ZNF335: variants seen among roughly 807,000 people sequenced by gnomAD.
The protein encoded by ZNF335 is zinc finger protein 335.
Under a neutral mutation model 145.6 loss-of-function variants are expected in ZNF335, and 84 were observed. That is an observed-to-expected ratio of 0.58 (90% CI 0.48 to 0.69). ZNF335 has a LOEUF of 0.69. ZNF335 is among the 30% of genes least tolerant of loss of function. The probability of loss-of-function intolerance (pLI) is 0.00; values close to 1 mark genes in which losing one functional copy is unlikely to be tolerated. For synonymous variants in ZNF335, 761 were observed against 717.0 expected (o/e 1.06, Z -0.98); for missense variants, 1,865 against 1,809.7 (o/e 1.03, Z -0.55).
chr20:45,963,315 T>C (rs1157243392), intron 9 of ZNF335, among the ~76,000 whole-genome samples, 158 bp downstream of exon 9: 1 of 152,116 alleles, frequency 6.6e-6, no homozygotes, highest in African/African-American at 2.4e-5. Flanking sequence ...AGCTGAGCGT[T>C]CTTCGGTACG....
chr20:45,969,473 G>A lies in ZNF335; in HGVS notation c.420C>T (p.Thr140=). The A allele has an allele frequency of 6.4e-7, 1 of 1,554,280 alleles. No homozygotes were observed. Among genetic ancestry groups the A allele is most frequent in the Non-Finnish European group, 8.8e-7 (1 of 1,140,042 alleles). ...CACTCTGGATGAGGTCGGGCCCGAT[G>A]GTGGACTCGATGATCTTGTCGATGG... The part of the protein sequence containing the change: ...GSAIDKIIES[T]IGPDLIQNCI... The change falls in exon 3 of 28, where the codon ACC becomes ACT. Residue 140 remains threonine, a synonymous_variant. Coordinates refer to ENST00000322927, the MANE Select transcript of ZNF335 (RefSeq NM_022095.4).
At position 45,969,690 on chromosome 20, in the gene ZNF335, T is replaced by A. The variant is rs905736774; in HGVS notation, c.203A>T (p.Glu68Val). 2.5e-6 allele frequency: 4 copies of A among 1,610,546 alleles called. No individual in the cohort carries two copies. In the African/African-American group the frequency reaches 5.3e-5, roughly 21 times the overall value. The change falls in exon 3 of 28, where the codon GAG (glutamate) becomes GTG (valine). Residue 68 changes from glutamate to valine, a missense_variant and splice_region_variant. Coordinates refer to ENST00000322927, the MANE Select transcript of ZNF335 (RefSeq NM_022095.4). ...GCTCGAGCTGCTCTCAGATACCTCC[T>A]CCTGAGGGGCATGAAACAGGGAGGG... ...QSSDRGSRSQ[E>V]EVSESSSSAD... is the part of the protein sequence containing the mutation.
At chr20:45,970,488 G>A (rs918853573) in intron 2 of ZNF335, among the ~76,000 whole-genome samples, 6 of 152,182 alleles carry the variant, frequency 3.9e-5, no homozygotes, top group African/African-American at 1.2e-4. Context: ...AAAACTCTAT[G>A]AGGCAGGTAT....
intron 7 of ZNF335, chr20:45,964,321 G>A (rs2083909664): frequency 1.2e-5 from 3 of 245,980 alleles, no homozygotes; most frequent in Non-Finnish European, 2.3e-5. Context: ...CTCTCCCGGA[G>A]TCTCATTTGC....
At position 45,962,138 on chromosome 20, in the gene ZNF335, G is replaced by A. The variant is rs370067542; in HGVS notation, c.1578C>T (p.Asp526=). ...GGTAGACACTGGTGTAGCTGCACTC[G>A]TCACACTTGTAGGGCTTGCTGCCCA... The part of the protein sequence containing the change: ...NHVGSKPYKC[D]ECSYTSVYRK... The change falls in exon 10 of 28, where the codon GAC becomes GAT. Residue 526 remains aspartate (D), a synonymous_variant. Transcript: ENST00000322927. The A allele has an allele frequency of 2.6e-5, 42 of 1,613,808 alleles. No homozygotes were observed. The highest frequency in any genetic ancestry group is 9.9e-5 in the South Asian group (9 of 91,074).
Position 45,949,171 on chromosome 20 carries a change from T to C in ZNF335, c.3900A>G (p.Thr1300=). ...QLEAAAHSAV[T]AVADAAMAQA... ...GCTCCTCAGGATCCAGCTCCATACC[T>C]GTGACAGCTGAGTGTGCTGCAGCCT... Residue 1300 remains threonine, a splice_region_variant and synonymous_variant, in exon 27 of 28, where the codon ACA becomes ACG. Transcript: ENST00000322927. The C allele has an allele frequency of 6.2e-7, 1 of 1,613,642 alleles. No individual in the cohort carries two copies. Among genetic ancestry groups the C allele is most frequent in the East Asian group, 2.2e-5 (1 of 44,868 alleles).
Position 45,954,197 on chromosome 20 carries a change from C to T in ZNF335, c.2443-249G>A, listed in dbSNP as rs6073969. Among the ~76,000 whole-genome samples the T allele has an allele frequency of 0.92, 139,382 of 152,278 alleles. 64,206 individuals carry two copies. The highest frequency in any genetic ancestry group is 0.95 in the Non-Finnish European group (64,698 of 68,048). ...TGTGCCCCCCACAAAGATTTGGCAA[C>T]GTCTGGAGACATTTCTTATCACAGC... On this transcript the variant is annotated intron_variant, in intron 17 of 27. Transcript: ENST00000322927.
intron 7 of ZNF335, 64 bp downstream of exon 7, chr20:45,965,564 A>G (rs963780075): frequency 1.3e-6 from 2 of 1,537,978 alleles, no homozygotes; most frequent in Non-Finnish European, 1.7e-6. Flanking sequence ...CTCCACAGAG[A>G]CAAGCAGGGA....
chr20:45,959,314 C>G lies in ZNF335; in HGVS notation c.2140G>C (p.Glu714Gln). 1 of 1,577,924 alleles carries G rather than the reference C, an allele frequency of 6.3e-7. No individual in the cohort carries two copies. The change falls in exon 15 of 28, where the codon GAG (glutamate) becomes CAG (glutamine). Residue 714 changes from glutamate to glutamine, a missense_variant. Physicochemically the swap from Glu to Gln is conservative, Grantham distance 29 (BLOSUM62 2). Transcript: ENST00000322927. ...GGGCGACGGCGGGAGGGGGGCTCCT[C>G]AGGGTGGCGCCTCCCCCATTCCTCG... ...SFEEWGRRHP[E>Q]EPPSRRRPFF...
Position 45,960,115 on chromosome 20 carries a change from G to A in ZNF335, c.2020+93C>T, listed in dbSNP as rs761252396. The A allele has an allele frequency of 3.9e-5, 56 of 1,434,318 alleles. 1 individual carries two copies. Among genetic ancestry groups the A allele is most frequent in the East Asian group, 1.4e-4 (6 of 41,498 alleles). 88.8% of individuals were successfully genotyped at this position (1,434,318 alleles called of 1,614,324 possible). A position where few individuals can be genotyped will look rare whatever the true frequency, so the allele number is the denominator to read the frequency against. ...GGGCTGTTCTGTGGCTGGGGCTACC[G>A]AGGGGGAAGGAAGAGGATGGGAGCT... On this transcript the variant is annotated intron_variant, in intron 14 of 27. Transcript: ENST00000322927.
Position 45,967,853 on chromosome 20 carries a change from C to G in ZNF335, c.695G>C (p.Ser232Thr), listed in dbSNP as rs771630464. ...ASGAEEPDLQ[S>T]LEAMMEVVVV... ...CACCACCTCCATCATGGCCTCCAGG[C>G]TCTGCAGGTCCGGCTCTTCGGCACC... Residue 232 changes from serine (S) to threonine (T), a missense_variant, in exon 5 of 28, where the codon AGC becomes ACC. Transcript: ENST00000322927. 2 of 1,613,484 alleles carry G rather than the reference C, an allele frequency of 1.2e-6. No homozygotes were observed. The highest frequency in any genetic ancestry group is 3.3e-5 in the Admixed American group (2 of 60,030).
chr20:45,949,645 G>C lies in ZNF335; in HGVS notation c.3670-77C>G, dbSNP rs973746718. The C allele has an allele frequency of 3.4e-6, 5 of 1,490,886 alleles. No individual in the cohort carries two copies. In the East Asian group the frequency reaches 9.3e-5, roughly 28 times the overall value. 92.4% of individuals were successfully genotyped at this position (1,490,886 alleles called of 1,614,324 possible). On this transcript the variant is annotated intron_variant, in intron 24 of 27. Coordinates refer to ENST00000322927, the MANE Select transcript of ZNF335 (RefSeq NM_022095.4). The stretch of plus-strand genomic sequence containing the variant: ...CCAGGAGCTTAGCTAAGAAGGCAGA[G>C]TGGAAGACTAGGAACAGCCACCAGC...
At chr20:45,963,418 C>T in intron 9 of ZNF335, 55 bp downstream of exon 9, 8 of 1,567,182 alleles carry the variant, frequency 5.1e-6, no homozygotes, top group Non-Finnish European at 6.1e-6. Context: ...ACCAGCTGGC[C>T]TCTGCTTGCC....
At chr20:45,955,866 G>A (rs1356499672) in intron 17 of ZNF335, among the ~76,000 whole-genome samples, 1 of 151,956 alleles carries the variant, frequency 6.6e-6, no homozygotes, top group Non-Finnish European at 1.5e-5. Flanking sequence ...GTACAGTGAA[G>A]CACTGCTTGA....
intron 14 of ZNF335, 106 bp from the exon 15 acceptor site, chr20:45,959,539 C>T (rs1366919462): frequency 7.1e-6 from 6 of 843,304 alleles, no homozygotes; most frequent in Non-Finnish European, 1.0e-5. Flanking sequence ...TGACTTCCAG[C>T]GATTCATTCC....
intron 15 of ZNF335, 137 bp downstream of exon 15, chr20:45,959,064 G>T: frequency 1.6e-6 from 1 of 642,568 alleles, no homozygotes; most frequent in Non-Finnish European, 2.3e-6. Context: ...CTTAGGGCTG[G>T]CATATGTGTG....
intron 6 of ZNF335, chr20:45,967,042 T>G: frequency 5.5e-6 from 1 of 182,074 alleles, no homozygotes; most frequent in South Asian, 1.1e-4. Context: ...AGAGATGGGG[T>G]TTTGCCATGT....
chr20:45,950,737 G>T, intron 20 of ZNF335, 142 bp from the exon 21 acceptor site: 2 of 1,141,016 alleles, frequency 1.8e-6, no homozygotes, highest in Non-Finnish European at 2.5e-6. Flanking sequence ...CAAGAAGCTG[G>T]GTAGAAAGGC....
rs753750236 is a variant in ZNF335, at chr20:45,963,926, G to A, written c.1167C>T (p.Pro389=). 20 of 1,567,732 alleles carry A rather than the reference G, an allele frequency of 1.3e-5. No individual in the cohort carries two copies. The highest frequency in any genetic ancestry group is 8.4e-5 in the South Asian group (7 of 83,642). Residue 389 remains proline (P), a synonymous_variant, in exon 8 of 28, where the codon CCC becomes CCT. Transcript: ENST00000322927. ...CTGGGCCTGAGGAGCTGGGAGCCTCGGGATCCTGTGGCTCTGGAGGGCTCT... is the reference window on the plus strand; with the variant it reads ...CTGGGCCTGAGGAGCTGGGAGCCTCAGGATCCTGTGGCTCTGGAGGGCTCT... The part of the protein sequence containing the change: ...SGQSPPEPQD[P]EAPSSSGPGH...
Sources: allele counts gnomAD v4.1 joint callset (sites outside exome capture counted in the v4.1 genomes callset), GRCh38; gene constraint gnomAD v4.1.1; transcripts MANE v1.5; gene names NCBI Gene and HGNC (gene_info 2026-07-23, HGNC 2026-07-21).